The following TCF7L2 variants were observed in gnomAD, a reference collection of about 807,000 sequenced individuals.
The protein encoded by TCF7L2 is transcription factor 7-like 2.
A neutral mutation model predicts 77.9 loss-of-function variants in TCF7L2; 23 were observed. The ratio of observed to expected loss-of-function variants is 0.30; its 90% CI spans 0.21 to 0.42. TCF7L2 has a LOEUF of 0.42. Among genes scored for constraint, TCF7L2 ranks in the 10% least tolerant of loss-of-function variants. TCF7L2 has a pLI of 1.00. For missense variants in TCF7L2, 654 were observed against 793.1 expected (o/e 0.82, Z 2.11); for synonymous variants, 413 against 340.2 (o/e 1.21, Z -2.36).
At position 113,166,653 on chromosome 10, in the gene TCF7L2, TGTC is replaced by T. The variant is rs2074055348; in HGVS notation, c.*684_*686del. ...AGTATTTATTGCTTTAGAGATTGCT[TGTC>T]GTACCTGTATGTCGTCCCTTTTTAA... On this transcript the variant is annotated 3_prime_UTR_variant, in exon 14 of 14. Coordinates refer to ENST00000627217, the MANE Select transcript of TCF7L2 (RefSeq NM_001146274.2). The T allele has an allele frequency of 1.3e-5, 3 of 231,066 alleles. No individual in the cohort carries two copies. The East Asian group carries it at 1.8e-4, about 14-fold the overall frequency. The allele number at this position is 231,066 out of a possible 1,614,324, so 14.3% of individuals were successfully genotyped here.
At chr10:113,103,235 C>T (rs575535770) in intron 5 of TCF7L2, among the ~76,000 whole-genome samples, 2 of 152,228 alleles carry the variant, frequency 1.3e-5, no homozygotes, top group Admixed American at 1.3e-4. Context: ...GAAGTGGGCC[C>T]AGCTGTATGA....
intron 5 of TCF7L2, among the ~76,000 whole-genome samples, chr10:113,056,973 CA>C (rs1352896696): frequency 6.6e-6 from 1 of 152,132 alleles, no homozygotes; most frequent in African/African-American, 2.4e-5. Flanking sequence ...AATAGGAGGC[CA>C]GTACTGAAAT....
chr10:112,973,235 T>G (rs960065535), intron 4 of TCF7L2, among the ~76,000 whole-genome samples: 3 of 152,214 alleles, frequency 2.0e-5, no homozygotes, highest in Admixed American at 6.5e-5. Flanking sequence ...TCCTGACATT[T>G]GCAAGCTTTT....
chr10:112,990,011 C>T (rs978038800), intron 4 of TCF7L2, among the ~76,000 whole-genome samples: 4 of 152,130 alleles, frequency 2.6e-5, no homozygotes, highest in African/African-American at 9.7e-5. Context: ...GCCCCAGGAG[C>T]TCATACAGTG....
At position 112,977,771 on chromosome 10, in the gene TCF7L2, G is replaced by A. The variant is rs150662023; in HGVS notation, c.450+13147G>A. On this transcript the variant is annotated intron_variant, in intron 4 of 13. Transcript: ENST00000627217. ...ACCACTTGGGGGAAAGGGATGTGCC[G>A]ATGCCGCAGGCCACTCGGGGGAGGC... Among the ~76,000 whole-genome samples, 381 of 152,288 alleles carry A rather than the reference G, an allele frequency of 2.5e-3. 1 individual carries two copies. Among genetic ancestry groups the A allele is most frequent in the African/African-American group, 8.9e-3 (369 of 41,554 alleles).
chr10:112,959,369 A>C (rs1371068997), intron 3 of TCF7L2, among the ~76,000 whole-genome samples: 1 of 152,234 alleles, frequency 6.6e-6, no homozygotes, highest in Non-Finnish European at 1.5e-5. Context: ...AGAAGCTGTA[A>C]AAGTTAATGA....
chr10:113,070,345 G>T (rs2057839351), intron 5 of TCF7L2, among the ~76,000 whole-genome samples: 1 of 149,416 alleles, frequency 6.7e-6, no homozygotes, highest in Non-Finnish European at 1.5e-5. Flanking sequence ...TTAGCCCTTT[G>T]TCTGGTATCT....
intron 5 of TCF7L2, chr10:113,126,751 G>A (rs2065683422): frequency 5.1e-6 from 5 of 985,546 alleles, no homozygotes; most frequent in African/African-American, 1.7e-5. Flanking sequence ...CGGCGGCGGC[G>A]CGGGCTGCAG....
At position 113,135,825 on chromosome 10, in the gene TCF7L2, G is replaced by T. The variant is rs143129151; in HGVS notation, c.553-5359G>T. Among the ~76,000 whole-genome samples, 197 of 152,276 alleles carry T rather than the reference G, an allele frequency of 1.3e-3. 2 individuals carry two copies. In the South Asian group the frequency reaches 0.027, roughly 21 times the overall value. On this transcript the variant is annotated intron_variant, in intron 5 of 13. Coordinates refer to ENST00000627217, the MANE Select transcript of TCF7L2 (RefSeq NM_001146274.2). ...GAACACTGAGCTCCACCTAATTTGGGGTTTAGGGGCAATATTTGCTGAAAA... is the reference window on the plus strand; with the variant it reads ...GAACACTGAGCTCCACCTAATTTGGTGTTTAGGGGCAATATTTGCTGAAAA...
intron 5 of TCF7L2, among the ~76,000 whole-genome samples, chr10:113,127,247 T>G (rs540060339): frequency 1.3e-5 from 2 of 151,348 alleles, no homozygotes; most frequent in East Asian, 1.9e-4. Flanking sequence ...TTTCGGGTTT[T>G]TTTTTTTTTT....
chr10:112,950,748 GA>G lies in TCF7L2; in HGVS notation c.1del, dbSNP rs373426839. ...TCTTCCAAAATTGCTGCTGGTGGGTGAAAAAAAAATGCCGCAGCTGAACGGC... is the reference window on the plus strand; with the variant it reads ...TCTTCCAAAATTGCTGCTGGTGGGTGAAAAAAAATGCCGCAGCTGAACGGC... On this transcript the variant is annotated 5_prime_UTR_variant, in exon 1 of 14. Coordinates refer to ENST00000627217, the MANE Select transcript of TCF7L2 (RefSeq NM_001146274.2). The G allele has an allele frequency of 2.8e-4, 434 of 1,529,430 alleles. No homozygotes were observed. Among genetic ancestry groups the G allele is most frequent in the Admixed American group, 1.6e-3 (79 of 47,906 alleles). The allele number at this position is 1,529,430 out of a possible 1,614,324, so 94.7% of individuals were successfully genotyped here.
intron 4 of TCF7L2, among the ~76,000 whole-genome samples, chr10:112,984,846 T>C (rs2041189199): frequency 1.3e-5 from 2 of 152,174 alleles, no homozygotes; most frequent in Non-Finnish European, 2.9e-5. Flanking sequence ...TAAGACCAAT[T>C]AATTAGAAGC....
rs1388186667 is a variant in TCF7L2 at position 112,998,473 on chromosome 10, C to T, written c.450+33849C>T. Among the ~76,000 whole-genome samples the T allele has an allele frequency of 4.6e-5, 7 of 152,072 alleles. No homozygotes were observed. The South Asian group carries it at 6.2e-4, about 14-fold the overall frequency. On this transcript the variant is annotated intron_variant, in intron 4 of 13. Transcript: ENST00000627217. The stretch of plus-strand genomic sequence containing the variant: ...AATGCAGATGTGATGAGATCTCTGC[C>T]GGACCAAAGAGAAGATTCCTTTTTA...
At chr10:112,988,450 C>T (rs558514727) in intron 4 of TCF7L2, among the ~76,000 whole-genome samples, 1 of 152,322 alleles carries the variant, frequency 6.6e-6, no homozygotes, top group Non-Finnish European at 1.5e-5. Flanking sequence ...TGGCTCAAGG[C>T]GTCCTTTTTA....
chr10:113,158,457 A>T (rs377690996), intron 12 of TCF7L2, among the ~76,000 whole-genome samples: 5 of 152,226 alleles, frequency 3.3e-5, no homozygotes, highest in East Asian at 3.9e-4. Context: ...TGAGTGTTTG[A>T]TATTAACTGG....
chr10:113,130,466 G>C (rs1314776559), intron 5 of TCF7L2, among the ~76,000 whole-genome samples: 3 of 152,210 alleles, frequency 2.0e-5, no homozygotes, highest in East Asian at 3.8e-4. Context: ...AACAGTAGCA[G>C]GGCTGTGTAA....
intron 3 of TCF7L2, among the ~76,000 whole-genome samples, chr10:112,955,741 C>T (rs528274418): frequency 6.6e-6 from 1 of 152,118 alleles, no homozygotes; most frequent in Non-Finnish European, 1.5e-5. Flanking sequence ...TGTTTCTTAG[C>T]AAGCTGTGAA....
At chr10:113,114,970 A>G (rs2063547958) in intron 5 of TCF7L2, among the ~76,000 whole-genome samples, 1 of 152,258 alleles carries the variant, frequency 6.6e-6, no homozygotes, top group African/African-American at 2.4e-5. Flanking sequence ...ATTGAAGAGC[A>G]CTGAATAATA....
At chr10:112,982,265 T>C (rs953429184) in intron 4 of TCF7L2, among the ~76,000 whole-genome samples, 4 of 152,204 alleles carry the variant, frequency 2.6e-5, no homozygotes, top group African/African-American at 4.8e-5. Flanking sequence ...AACTTTTTAA[T>C]TGGGCAGGTT....
Sources: allele counts gnomAD v4.1 joint callset (sites outside exome capture counted in the v4.1 genomes callset), GRCh38; gene constraint gnomAD v4.1.1; transcripts MANE v1.5; gene names NCBI Gene and HGNC (gene_info 2026-07-23, HGNC 2026-07-21).